AKR1C2: variants seen among roughly 807,000 people sequenced by gnomAD.
The protein encoded by AKR1C2 is 3-alpha-HSD3.
AKR1C2 carries 27 observed loss-of-function variants against 39.8 expected under a neutral mutation model. The observed-to-expected ratio is 0.68, with a 90% CI of 0.50 to 0.93. The LOEUF (loss-of-function observed/expected upper bound fraction) is 0.93. Ranked by LOEUF, AKR1C2 falls within the 40% of genes least tolerant of loss-of-function variation. The pLI is 0.00. For synonymous variants in AKR1C2, 114 were observed against 137.9 expected, an observed-to-expected ratio of 0.83 and a Z score of 1.22; for missense variants, 263 against 365.1, an observed-to-expected ratio of 0.72 and a Z score of 2.28.
chr10:5,016,144 G>A lies in AKR1C2; in HGVS notation c.-88+1756C>T, dbSNP rs528834671. Among the ~76,000 whole-genome samples the A allele has an allele frequency of 4.6e-5, 7 of 152,080 alleles. No homozygotes were observed. The South Asian group carries it at 6.2e-4, about 14-fold the overall frequency. On this transcript the variant is annotated intron_variant, in intron 1 of 6. Coordinates refer to the AKR1C2 transcript ENST00000604507. The stretch of plus-strand genomic sequence containing the variant: ...ACACAGAGCCAAACCATATCACTCC[G>A]CCCCAGCCCCTTCCAAATCTCACAT...
chr10:4,999,952 T>C (rs550435532), intron 3 of AKR1C2: 2 of 993,738 alleles, frequency 2.0e-6, no homozygotes, highest in African/African-American at 3.5e-5. Context: ...TTATCATATC[T>C]AATATACCCT....
chr10:4,996,145 A>T, intron 5 of AKR1C2: 1 of 375,174 alleles, frequency 2.7e-6, no homozygotes, highest in Non-Finnish European at 4.5e-6. Context: ...AGCTGGGATG[A>T]GGTAAGATTC....
At chr10:5,000,268 G>A in intron 3 of AKR1C2, 1 of 1,462,196 alleles carries the variant, frequency 6.8e-7, no homozygotes, top group Non-Finnish European at 9.0e-7. Flanking sequence ...TCATAAATAA[G>A]ACCTTGTGCC....
chr10:5,008,690 G>C (rs1485520972), upstream of AKR1C2, among the ~76,000 whole-genome samples: 1 of 152,258 alleles, frequency 6.6e-6, no homozygotes, highest in Admixed American at 6.5e-5. Context: ...GAGGACAGAA[G>C]TGGGATGTCC....
intron 1 of AKR1C2, among the ~76,000 whole-genome samples, chr10:5,003,098 A>G (rs2131707984): frequency 6.6e-6 from 1 of 152,172 alleles, no homozygotes; most frequent in African/African-American, 2.4e-5. Flanking sequence ...TATTCCATTA[A>G]TTTTCTTGTC....
intron 2 of AKR1C2, among the ~76,000 whole-genome samples, chr10:5,001,131 T>C (rs1312539929): frequency 6.6e-6 from 1 of 152,198 alleles, no homozygotes; most frequent in Non-Finnish European, 1.5e-5. Flanking sequence ...TGAGCTCTCT[T>C]ATATCGCTTT....
In AKR1C2 at chr10:4,989,176, G is replaced by GA. The variant is rs1836754673; in HGVS notation, c.*819dup. 1 of 152,168 alleles carries GA rather than the reference G, an allele frequency of 6.6e-6. No homozygotes were observed. Among genetic ancestry groups the GA allele is most frequent in the African/African-American group, 2.4e-5 (1 of 41,430 alleles). 9.4% of individuals were successfully genotyped at this position (152,168 alleles called of 1,614,324 possible). ...ATTCAGGGGAATGTGATGAGTCAAT[G>GA]ATATCTTCGATGTCCTGCCCCACCA... On this transcript the variant is annotated 3_prime_UTR_variant, in exon 9 of 9. Transcript: ENST00000380753.
intron 8 of AKR1C2, among the ~76,000 whole-genome samples, chr10:4,991,153 C>T (rs1836827103): frequency 6.6e-6 from 1 of 151,186 alleles, no homozygotes. Flanking sequence ...GCTTTTGCAT[C>T]TACACTCTGC....
rs2854481 is a variant in AKR1C2 at position 5,001,684 on chromosome 10, G to C, written c.85-3C>G. 1 of 1,613,568 alleles carries C rather than the reference G, an allele frequency of 6.2e-7. No individual in the cohort carries two copies. Among genetic ancestry groups the C allele is most frequent in the Non-Finnish European group, 8.5e-7 (1 of 1,179,684 alleles). ...TCTAGAGCTTTACTTTTAGGAACCTGGGGGAGCAACCAAACGTAATATTTT... is the reference window on the plus strand; with the variant it reads ...TCTAGAGCTTTACTTTTAGGAACCTCGGGGAGCAACCAAACGTAATATTTT... On this transcript the variant is annotated splice_region_variant and splice_polypyrimidine_tract_variant and intron_variant, in intron 1 of 8. Coordinates refer to ENST00000380753, the MANE Select transcript of AKR1C2 (RefSeq NM_001393392.1).
chr10:5,005,930 CA>C (rs1554774351), upstream of AKR1C2: 1 of 151,628 alleles, frequency 6.6e-6, no homozygotes, highest in Non-Finnish European at 1.5e-5. Context: ...GAAAAGGAAA[CA>C]AATTGGAGCT....
intron 8 of AKR1C2, among the ~76,000 whole-genome samples, chr10:4,990,758 C>T (rs1295745159): frequency 6.6e-6 from 1 of 151,344 alleles, no homozygotes; most frequent in Non-Finnish European, 1.5e-5. Context: ...TGGTTTACTC[C>T]AGACCATATT....
At chr10:4,992,922 C>T (rs534575717) in intron 7 of AKR1C2, among the ~76,000 whole-genome samples, 3 of 152,062 alleles carry the variant, frequency 2.0e-5, no homozygotes, top group Non-Finnish European at 4.4e-5. Context: ...TGCACTCCAC[C>T]CTGGGTGACA....
chr10:4,996,754 C>T (rs1348282585), intron 5 of AKR1C2, among the ~76,000 whole-genome samples: 6 of 151,792 alleles, frequency 4.0e-5, no homozygotes, highest in Non-Finnish European at 8.8e-5. Context: ...CCTTTACTCT[C>T]ACTTAGAGGA....
upstream of AKR1C2, among the ~76,000 whole-genome samples, chr10:5,008,481 G>C (rs1449213319): frequency 6.6e-6 from 1 of 151,992 alleles, no homozygotes; most frequent in Non-Finnish European, 1.5e-5. Flanking sequence ...TTGTACATGG[G>C]GGCTTCTGCC....
upstream of AKR1C2, chr10:5,007,525 C>T (rs541103082): frequency 6.6e-6 from 1 of 151,038 alleles, no homozygotes; most frequent in East Asian, 2.0e-4. Context: ...AAAATAATTA[C>T]AGATTATGCA....
chr10:4,991,313 GA>G (rs1300388452), intron 8 of AKR1C2, among the ~76,000 whole-genome samples: 3 of 151,794 alleles, frequency 2.0e-5, no homozygotes, highest in Non-Finnish European at 2.9e-5. Context: ...AGAAAGGCAC[GA>G]AAAAGGTTTG....
intron 7 of AKR1C2, among the ~76,000 whole-genome samples, chr10:4,993,391 T>C (rs1226546469): frequency 2.6e-5 from 4 of 152,124 alleles, no homozygotes; most frequent in African/African-American, 9.7e-5. Flanking sequence ...TGTGAGCAAA[T>C]ATAAACTTTT....
At chr10:5,009,534 A>G (rs1163955330) in intron 1 of AKR1C2, among the ~76,000 whole-genome samples, 1 of 151,780 alleles carries the variant, frequency 6.6e-6, no homozygotes, top group Non-Finnish European at 1.5e-5. Context: ...AGAAAAAACT[A>G]TTTCTGAATG....
chr10:5,017,378 C>T (rs1554775436), intron 1 of AKR1C2, among the ~76,000 whole-genome samples: 1 of 152,218 alleles, frequency 6.6e-6, no homozygotes, highest in Non-Finnish European at 1.5e-5. Flanking sequence ...CCACATCTTG[C>T]TTGCTTTGAT....
Sources: gnomAD v4.1 joint callset for allele counts (sites outside exome capture counted in the v4.1 genomes callset) on GRCh38, gnomAD v4.1.1 for gene constraint, MANE v1.5 for transcripts, NCBI Gene and HGNC (gene_info 2026-07-23, HGNC 2026-07-21) for gene names.